The following XYLT1 variants were observed in gnomAD, a reference collection of about 807,000 sequenced individuals.
The protein encoded by XYLT1 is beta-D-xylosyltransferase 1.
A neutral mutation model predicts 91.3 loss-of-function variants in XYLT1; 36 were observed. That is an observed-to-expected ratio of 0.39 (90% CI 0.30 to 0.52). XYLT1 has a LOEUF of 0.52. XYLT1 is among the 20% of genes least tolerant of loss of function. The pLI is 0.68. For synonymous variants in XYLT1, 588 were observed against 532.0 expected, an observed-to-expected ratio of 1.11 and a Z score of -1.45; for missense variants, 1,242 against 1,284.5, an observed-to-expected ratio of 0.97 and a Z score of 0.51.
chr16:17,270,772 G>A (rs2033876944), intron 2 of XYLT1, among the ~76,000 whole-genome samples: 2 of 152,208 alleles, frequency 1.3e-5, no homozygotes, highest in African/African-American at 2.4e-5. Context: ...AGTTCTTCCA[G>A]GACACAGCCA....
intron 1 of XYLT1, among the ~76,000 whole-genome samples, chr16:17,469,401 C>G (rs908764297): frequency 1.3e-5 from 2 of 152,226 alleles, no homozygotes; most frequent in Non-Finnish European, 1.5e-5. Flanking sequence ...GCAGAACTCA[C>G]GCCCCTGGAG....
rs150214300 is a variant in XYLT1 at position 17,259,207 on chromosome 16, C to G, written c.694G>C (p.Asp232His). ...RAAANSSHGK[D>H]VSRPPHARKT... ...CTGGCATGAGGCGGTCTGGACACAT[C>G]CTTCCCGTGGCTGCTGTTGGCTGCG... is the stretch of plus-strand genomic sequence containing the variant. Residue 232 changes from aspartate to histidine, a missense_variant, in exon 3 of 12, where the codon GAT becomes CAT. Physicochemically the swap from Asp to His is moderately conservative, Grantham distance 81 (BLOSUM62 -1). Transcript: ENST00000261381. 4.4e-5 allele frequency: 71 copies of G among 1,613,766 alleles called. No homozygotes were observed. The African/African-American group carries it at 9.0e-4, about 20-fold the overall frequency.
intron 3 of XYLT1, among the ~76,000 whole-genome samples, chr16:17,246,388 G>A (rs115930003): frequency 0.011 from 1,710 of 152,286 alleles, 36 homozygotes; most frequent in African/African-American, 0.037. Context: ...CTAGAGAAAG[G>A]TGTTGATTAA....
Position 17,364,635 on chromosome 16 carries a change from T to C in XYLT1, c.364-6585A>G, listed in dbSNP as rs1157569110. On this transcript the variant is annotated intron_variant, in intron 1 of 11. Coordinates refer to ENST00000261381, the MANE Select transcript of XYLT1 (RefSeq NM_022166.4). ...AACTGAGCAAATTTAGCTAATTCGT[T>C]TTGAATGCTTACTTTATGCCAAGCA... is the stretch of plus-strand genomic sequence containing the variant. Among the ~76,000 whole-genome samples the C allele has an allele frequency of 2.0e-5, 3 of 152,296 alleles. No homozygotes were observed. In the East Asian group the frequency reaches 5.8e-4, roughly 29 times the overall value.
intron 1 of XYLT1, among the ~76,000 whole-genome samples, chr16:17,462,651 C>T (rs529243142): frequency 5.3e-5 from 8 of 152,244 alleles, no homozygotes; most frequent in African/African-American, 9.6e-5. Flanking sequence ...AACCACAGAG[C>T]GGTCTGAAGG....
chr16:17,210,323 C>A (rs1383525836), intron 3 of XYLT1, among the ~76,000 whole-genome samples: 1 of 152,154 alleles, frequency 6.6e-6, no homozygotes, highest in East Asian at 1.9e-4. Flanking sequence ...CATGGTGAAA[C>A]CCCGTTTCTA....
At chr16:17,320,719 A>T (rs1391474054) in intron 2 of XYLT1, among the ~76,000 whole-genome samples, 2 of 151,062 alleles carry the variant, frequency 1.3e-5, no homozygotes, top group Admixed American at 6.6e-5. Context: ...TGACCTCGTG[A>T]TCTGCCCACC....
At chr16:17,156,034 A>G (rs2031398989) in intron 6 of XYLT1, among the ~76,000 whole-genome samples, 1 of 152,246 alleles carries the variant, frequency 6.6e-6, no homozygotes, top group Non-Finnish European at 1.5e-5. Flanking sequence ...ACTATGCCAA[A>G]TGCTGTATAT....
At chr16:17,343,320 C>T (rs889145023) in intron 2 of XYLT1, among the ~76,000 whole-genome samples, 1 of 152,200 alleles carries the variant, frequency 6.6e-6, no homozygotes, top group Non-Finnish European at 1.5e-5. Flanking sequence ...GATTGTGCCA[C>T]GAACTCCTCT....
intron 1 of XYLT1, among the ~76,000 whole-genome samples, chr16:17,425,795 G>A (rs962469174): frequency 6.6e-6 from 1 of 151,972 alleles, no homozygotes; most frequent in South Asian, 2.1e-4. Flanking sequence ...TGCCCTTCCT[G>A]CTCCTTCCTG....
At chr16:17,197,699 C>T (rs1244107847) in intron 5 of XYLT1, among the ~76,000 whole-genome samples, 3 of 152,168 alleles carry the variant, frequency 2.0e-5, no homozygotes, top group Admixed American at 2.0e-4. Context: ...TGCCTTTGAA[C>T]ATCAGACTCC....
intron 1 of XYLT1, among the ~76,000 whole-genome samples, chr16:17,451,063 T>G (rs1485942626): frequency 6.6e-6 from 1 of 152,180 alleles, no homozygotes; most frequent in Admixed American, 6.5e-5. Context: ...CTGGGAAGGT[T>G]GTTGGACAGA....
intron 1 of XYLT1, among the ~76,000 whole-genome samples, chr16:17,454,538 ATTT>A (rs67567053): frequency 8.3e-5 from 12 of 145,398 alleles, no homozygotes; most frequent in Non-Finnish European, 1.4e-4. Flanking sequence ...TATGATCGCA[ATTT>A]TTTTTTTTTT....
At chr16:17,400,249 T>C (rs899340070) in intron 1 of XYLT1, among the ~76,000 whole-genome samples, 6 of 152,184 alleles carry the variant, frequency 3.9e-5, no homozygotes, top group Admixed American at 2.6e-4. Context: ...AGATTCTAGG[T>C]ACCTCAGTGA....
At position 17,375,874 on chromosome 16, in the gene XYLT1, C is replaced by G. The variant is rs114731209; in HGVS notation, c.364-17824G>C. On this transcript the variant is annotated intron_variant, in intron 1 of 11. Coordinates refer to ENST00000261381, the MANE Select transcript of XYLT1 (RefSeq NM_022166.4). ...CCACAGGCAAAGACCCAGACTTGAA[C>G]GGCTGGAGCCACTGGTGTCCCTACG... Among the ~76,000 whole-genome samples, 264 of 152,378 alleles carry G rather than the reference C, an allele frequency of 1.7e-3. 2 individuals are homozygous for G. The highest frequency in any genetic ancestry group is 5.8e-3 in the African/African-American group (242 of 41,600).
At chr16:17,285,203 G>C (rs1411535655) in intron 2 of XYLT1, among the ~76,000 whole-genome samples, 3 of 152,182 alleles carry the variant, frequency 2.0e-5, no homozygotes, top group Non-Finnish European at 4.4e-5. Context: ...ACAAGTGATG[G>C]GAATTTACTT....
chr16:17,208,304 C>T (rs2141596573), intron 3 of XYLT1, among the ~76,000 whole-genome samples: 1 of 151,804 alleles, frequency 6.6e-6, no homozygotes, highest in East Asian at 1.9e-4. Context: ...TTTGAGTTCC[C>T]TGTCACAGCC....
chr16:17,273,593 C>T (rs1448435283), intron 2 of XYLT1, among the ~76,000 whole-genome samples: 1 of 152,144 alleles, frequency 6.6e-6, no homozygotes, highest in Admixed American at 6.5e-5. Flanking sequence ...CCTGTAATCC[C>T]AGCACTTTGG....
intron 1 of XYLT1, among the ~76,000 whole-genome samples, chr16:17,423,037 A>G (rs2036268279): frequency 1.3e-5 from 2 of 152,218 alleles, no homozygotes; most frequent in South Asian, 4.1e-4. Flanking sequence ...AAGCACAGTC[A>G]TCCAAATGTG....
Sources: allele counts gnomAD v4.1 joint callset (sites outside exome capture counted in the v4.1 genomes callset), GRCh38; gene constraint gnomAD v4.1.1; transcripts MANE v1.5; gene names NCBI Gene and HGNC (gene_info 2026-07-23, HGNC 2026-07-21).